Variants in OR1J2 observed in about 807,000 individuals in gnomAD.
The protein encoded by OR1J2 is olfactory receptor 1J2.
For missense variants in OR1J2, 304 were observed against 246.1 expected (o/e 1.24, Z -1.57); for synonymous variants, 142 against 99.7 (o/e 1.42, Z -2.52).
At chr9:122,500,343 C>T in the OR1J2 span, among the ~76,000 whole-genome samples, 2 of 152,156 alleles carry the variant, frequency 1.3e-5, no homozygotes, top group African/African-American at 4.8e-5. Context: ...CTCTCTGCCT[C>T]TCTCACGTAC....
chr9:122,506,031 A>G (rs1411968274), upstream of OR1J2, among the ~76,000 whole-genome samples: 1 of 152,208 alleles, frequency 6.6e-6, no homozygotes, highest in African/African-American at 2.4e-5. Context: ...GAGAAGAAAC[A>G]CAAGTCACTT....
the OR1J2 span, among the ~76,000 whole-genome samples, chr9:122,562,628 G>A: frequency 2.0e-5 from 3 of 152,216 alleles, no homozygotes; most frequent in South Asian, 2.1e-4. Context: ...CTTCCTCTCC[G>A]TGTGTCATAC....
chr9:122,560,945 C>T, the OR1J2 span, among the ~76,000 whole-genome samples: 10 of 152,260 alleles, frequency 6.6e-5, no homozygotes, highest in East Asian at 1.9e-3. Context: ...CCATTCTTCC[C>T]ATCTCTTTCA....
At chr9:122,532,600 G>C in the OR1J2 span, among the ~76,000 whole-genome samples, 1 of 144,856 alleles carries the variant, frequency 6.9e-6, no homozygotes, top group Non-Finnish European at 1.5e-5. Flanking sequence ...CTGCGGAGCA[G>C]ACTGTATATG....
At chr9:122,528,955 T>A in the OR1J2 span, among the ~76,000 whole-genome samples, 3 of 152,238 alleles carry the variant, frequency 2.0e-5, no homozygotes, top group African/African-American at 7.2e-5. Context: ...CAGATCTAGA[T>A]GTGTTTCTTT....
At chr9:122,526,323 CTA>C in the OR1J2 span, 2 of 1,339,856 alleles carry the variant, frequency 1.5e-6, no homozygotes, top group African/African-American at 1.5e-5. Flanking sequence ...GACTCCAAGC[CTA>C]TGTCTTTTCA....
At chr9:122,488,009 A>G in the OR1J2 span, among the ~76,000 whole-genome samples, 1 of 152,246 alleles carries the variant, frequency 6.6e-6, no homozygotes, top group African/African-American at 2.4e-5. Context: ...TTAAATGAGT[A>G]TTCAAACATA....
the OR1J2 span, among the ~76,000 whole-genome samples, chr9:122,575,638 TTTA>T: frequency 6.6e-6 from 1 of 152,156 alleles, no homozygotes; most frequent in Non-Finnish European, 1.5e-5. Flanking sequence ...AAAACTAAAT[TTTA>T]TTGTATATAT....
chr9:122,534,151 C>T, the OR1J2 span, among the ~76,000 whole-genome samples: 3 of 152,010 alleles, frequency 2.0e-5, no homozygotes, highest in African/African-American at 4.8e-5. Flanking sequence ...GCGGTTTAGG[C>T]GTTTGGAAGT....
chr9:122,553,206 C>T, the OR1J2 span: 1 of 1,613,138 alleles, frequency 6.2e-7, no homozygotes, highest in Non-Finnish European at 8.5e-7. Context: ...ACACGAACTA[C>T]AAGGGATGGG....
At chr9:122,518,060 T>G in the OR1J2 span, among the ~76,000 whole-genome samples, 1 of 152,194 alleles carries the variant, frequency 6.6e-6, no homozygotes, top group Non-Finnish European at 1.5e-5. Flanking sequence ...TTTTTATGTA[T>G]GTTCATTGCA....
the OR1J2 span, chr9:122,477,466 G>T: frequency 6.2e-7 from 1 of 1,613,944 alleles, no homozygotes. Flanking sequence ...AAGAGCACAC[G>T]CACAAGCGAT....
chr9:122,515,340 T>C (rs1338292749), downstream of OR1J2, among the ~76,000 whole-genome samples: 1 of 123,740 alleles, frequency 8.1e-6, no homozygotes, highest in African/African-American at 3.5e-5. Context: ...GGTATCCTTC[T>C]CCAGGAGCAG....
the OR1J2 span, among the ~76,000 whole-genome samples, chr9:122,536,515 C>T: frequency 9.2e-5 from 14 of 152,306 alleles, no homozygotes; most frequent in Admixed American, 8.5e-4. Flanking sequence ...GATGCACCAG[C>T]GATGACCAAC....
At chr9:122,529,887 T>C in the OR1J2 span, among the ~76,000 whole-genome samples, 3 of 152,226 alleles carry the variant, frequency 2.0e-5, no homozygotes, top group Non-Finnish European at 4.4e-5. Flanking sequence ...CAAGTGACTC[T>C]GCTTACCACT....
At chr9:122,547,620 AGTGTGTGTGTGT>A in the OR1J2 span, among the ~76,000 whole-genome samples, 139 of 142,986 alleles carry the variant, frequency 9.7e-4, no homozygotes, top group East Asian at 4.6e-3. Context: ...GTAGTAGTTC[AGTGTGTGTGTGT>A]GTGTGTGTGT....
chr9:122,539,748 T>G, the OR1J2 span, among the ~76,000 whole-genome samples: 2 of 152,110 alleles, frequency 1.3e-5, no homozygotes, highest in African/African-American at 4.8e-5. Context: ...AAGAGTGTTC[T>G]TATTTCTCCA....
chr9:122,532,874 G>A, the OR1J2 span, among the ~76,000 whole-genome samples: 3 of 152,112 alleles, frequency 2.0e-5, no homozygotes, highest in Admixed American at 6.5e-5. Flanking sequence ...AGGGATTGAG[G>A]TTTGGGAGAT....
chr9:122,517,706 C>T, the OR1J2 span, among the ~76,000 whole-genome samples: 1 of 151,160 alleles, frequency 6.6e-6, no homozygotes, highest in Non-Finnish European at 1.5e-5. Context: ...TTTAGAATAT[C>T]TTTTTGAGGT....
Sources: allele counts gnomAD v4.1 joint callset (sites outside exome capture counted in the v4.1 genomes callset), GRCh38; gene constraint gnomAD v4.1.1; transcripts MANE v1.5; gene names NCBI Gene and HGNC (gene_info 2026-07-23, HGNC 2026-07-21).